The following ETV1 variants were observed in gnomAD, a reference collection of about 807,000 sequenced individuals.
ETV1 encodes the protein ETS variant transcription factor 1, also known as ETS translocation variant 1.
Under a neutral mutation model 62.3 loss-of-function variants are expected in ETV1, and 27 were observed. That is an observed-to-expected ratio of 0.43 (90% confidence interval 0.32 to 0.60). The LOEUF (loss-of-function observed/expected upper bound fraction) is 0.60. Among genes scored for constraint, ETV1 ranks in the 20% least tolerant of loss-of-function variants. The probability of loss-of-function intolerance (pLI) is 0.06; values close to 1 mark genes in which losing one functional copy is unlikely to be tolerated. For missense variants in ETV1, 605 were observed against 605.8 expected, an observed-to-expected ratio of 1.00 and a Z score of 0.01; for synonymous variants, 222 against 199.6, an observed-to-expected ratio of 1.11 and a Z score of -0.94.
chr7:13,978,088 T>C lies in ETV1; in HGVS notation c.182-608A>G, dbSNP rs1446530148. On this transcript the variant is annotated intron_variant, in intron 5 of 13. Transcript: ENST00000430479. Reference sequence around the variant, plus strand: ...AAAGTATTATATTTCAAAGATTATATTCACATTAACAAAATAACAAACAAT... The same window carrying C: ...AAAGTATTATATTTCAAAGATTATACTCACATTAACAAAATAACAAACAAT... Among the ~76,000 whole-genome samples, 6 of 152,164 alleles carry C rather than the reference T, an allele frequency of 3.9e-5. No individual in the cohort carries two copies. In the East Asian group the frequency reaches 1.2e-3, roughly 29 times the overall value.
intron 6 of ETV1, among the ~76,000 whole-genome samples, chr7:13,946,051 T>C (rs887092541): frequency 2.0e-5 from 3 of 152,194 alleles, no homozygotes; most frequent in African/African-American, 7.2e-5. Flanking sequence ...TTGTTTGTAG[T>C]TTTAATTAAA....
At position 13,988,904 on chromosome 7, in the gene ETV1, T is replaced by G. The variant is rs968902543; in HGVS notation, c.45+104A>C. 2.8e-5 allele frequency: 43 copies of G among 1,522,284 alleles called. No homozygotes were observed. In the African/African-American group the frequency reaches 5.2e-4, roughly 18 times the overall value. The allele number at this position is 1,522,284 out of a possible 1,614,324, so 94.3% of individuals were successfully genotyped here. On this transcript the variant is annotated intron_variant, in intron 3 of 13. Transcript: ENST00000430479. The stretch of plus-strand genomic sequence containing the variant: ...ACAGTGGCAACAAAGCAGATAAGTA[T>G]CTGCAATCCCAACCCCCGTGCCCCC...
chr7:13,909,803 G>GC, intron 10 of ETV1, 103 bp from the exon 11 acceptor site: 3 of 976,208 alleles, frequency 3.1e-6, no homozygotes, highest in Non-Finnish European at 4.8e-6. Flanking sequence ...AAATGACTCT[G>GC]CCACCACCTT....
intron 9 of ETV1, among the ~76,000 whole-genome samples, chr7:13,928,620 A>G (rs910726078): frequency 2.6e-5 from 4 of 151,694 alleles, no homozygotes; most frequent in Admixed American, 1.3e-4. Flanking sequence ...CTCAAAAAAA[A>G]AGAGAAGAGT....
intron 5 of ETV1, among the ~76,000 whole-genome samples, chr7:13,977,739 T>C (rs1355031173): frequency 6.6e-6 from 1 of 152,150 alleles, no homozygotes; most frequent in African/African-American, 2.4e-5. Flanking sequence ...GAATTTCACC[T>C]GCCAGATGGA....
At chr7:13,897,415 T>C (rs940457377) in intron 13 of ETV1, among the ~76,000 whole-genome samples, 2 of 152,220 alleles carry the variant, frequency 1.3e-5, no homozygotes, top group Non-Finnish European at 2.9e-5. Context: ...AGAACATTTT[T>C]TGTTTCTTTT....
At chr7:13,954,563 GT>G (rs1789197173) in intron 6 of ETV1, among the ~76,000 whole-genome samples, 2 of 152,212 alleles carry the variant, frequency 1.3e-5, no homozygotes, top group East Asian at 3.9e-4. Flanking sequence ...ATCCTATATT[GT>G]TTGAAAAATT....
intron 6 of ETV1, among the ~76,000 whole-genome samples, chr7:13,961,605 T>C (rs868169011): frequency 1.7e-4 from 26 of 152,184 alleles, no homozygotes; most frequent in African/African-American, 7.2e-5. Context: ...TTTTTTCCCT[T>C]TCAATGAATA....
chr7:13,969,899 G>A (rs1054600490), intron 6 of ETV1, among the ~76,000 whole-genome samples: 1 of 152,182 alleles, frequency 6.6e-6, no homozygotes, highest in Non-Finnish European at 1.5e-5. Flanking sequence ...GTTGTGGGTT[G>A]CAGGAACGGG....
At chr7:13,921,580 A>G (rs1784856593) in intron 9 of ETV1, among the ~76,000 whole-genome samples, 1 of 152,204 alleles carries the variant, frequency 6.6e-6, no homozygotes, top group Non-Finnish European at 1.5e-5. Flanking sequence ...GATCCTTGCC[A>G]TGCCTACAGA....
At chr7:13,955,797 C>T (rs1459650005) in intron 6 of ETV1, among the ~76,000 whole-genome samples, 1 of 152,128 alleles carries the variant, frequency 6.6e-6, no homozygotes, top group Non-Finnish European at 1.5e-5. Context: ...ATTATATTAG[C>T]ATATTATGAG....
intron 6 of ETV1, among the ~76,000 whole-genome samples, chr7:13,963,671 T>C (rs896233741): frequency 3.9e-5 from 6 of 152,284 alleles, no homozygotes; most frequent in Middle Eastern, 3.4e-3. Context: ...TTCAGATGTT[T>C]GTATATATTA....
chr7:13,933,034 G>A (rs1786372545), intron 8 of ETV1, among the ~76,000 whole-genome samples: 1 of 152,090 alleles, frequency 6.6e-6, no homozygotes, highest in South Asian at 2.1e-4. Flanking sequence ...TAGGCTGACT[G>A]GCACTGCATT....
chr7:13,948,674 C>T (rs1198433064), intron 6 of ETV1, among the ~76,000 whole-genome samples: 1 of 152,124 alleles, frequency 6.6e-6, no homozygotes, highest in African/African-American at 2.4e-5. Context: ...GTAACAGAAA[C>T]CATATGGCCC....
intron 5 of ETV1, among the ~76,000 whole-genome samples, chr7:13,984,979 A>G (rs926828012): frequency 6.6e-6 from 1 of 152,028 alleles, no homozygotes; most frequent in African/African-American, 2.4e-5. Flanking sequence ...TCTGTCACAG[A>G]TTCCACATTT....
rs1335536712 is a variant in ETV1 at position 13,906,418 on chromosome 7, T to G, written c.1110+12A>C. On this transcript the variant is annotated intron_variant, in intron 12 of 13. Transcript: ENST00000430479. ...ATGTCTGAGTGTCCTAATTAAAATC[T>G]ATTAAACTAACCTCTTCAGGCTCAA... 1 of 1,538,950 alleles carries G rather than the reference T, an allele frequency of 6.5e-7. No individual in the cohort carries two copies.
chr7:13,988,547 T>TG, intron 3 of ETV1: 1 of 337,732 alleles, frequency 3.0e-6, no homozygotes, highest in Non-Finnish European at 5.1e-6. Context: ...CAGCCCCTCC[T>TG]CCCCACCCCA....
chr7:13,970,264 ACACACACACACACAC>A (rs1562698480), intron 6 of ETV1, among the ~76,000 whole-genome samples: 34 of 3,470 alleles, frequency 9.8e-3, no homozygotes, highest in African/African-American at 0.013. Context: ...CCATCTCAAA[ACACACACACACACAC>A]ACACACACAC....
intron 9 of ETV1, among the ~76,000 whole-genome samples, chr7:13,915,281 T>C (rs752279693): frequency 2.6e-5 from 4 of 152,204 alleles, no homozygotes; most frequent in Admixed American, 6.5e-5. Flanking sequence ...GCATAAAATA[T>C]CCAGAGCCAA....
Sources: allele counts gnomAD v4.1 joint callset (sites outside exome capture counted in the v4.1 genomes callset), GRCh38; gene constraint gnomAD v4.1.1; transcripts MANE v1.5; gene names NCBI Gene and HGNC (gene_info 2026-07-23, HGNC 2026-07-21).